PRRC2B: variants seen among roughly 807,000 people sequenced by gnomAD.
PRRC2B encodes protein PRRC2B.
In PRRC2B, 68 loss-of-function variants were observed where a neutral mutation model predicts 242.3. The observed-to-expected ratio is 0.28, with a 90% CI of 0.23 to 0.34. The LOEUF (loss-of-function observed/expected upper bound fraction) is 0.34, where lower values mean the gene tolerates loss of function less well. Ranked by LOEUF, PRRC2B falls within the 10% of genes least tolerant of loss-of-function variation. The probability of loss-of-function intolerance (pLI) is 1.00; values close to 1 mark genes in which losing one functional copy is unlikely to be tolerated. For missense variants in PRRC2B, 2,835 were observed against 2,954.8 expected, an observed-to-expected ratio of 0.96 and a Z score of 0.94; for synonymous variants, 1,228 against 1,173.6, an observed-to-expected ratio of 1.05 and a Z score of -0.95.
chr9:131,485,810 G>A, intron 25 of PRRC2B: 1 of 705,160 alleles, frequency 1.4e-6, no homozygotes, highest in Non-Finnish European at 2.6e-6. Context: ...GTTGGTGAGT[G>A]GGAGGTGGGA....
At chr9:131,463,859 C>T (rs1346334808) in intron 11 of PRRC2B, among the ~76,000 whole-genome samples, 1 of 151,736 alleles carries the variant, frequency 6.6e-6, no homozygotes, top group African/African-American at 2.4e-5. Flanking sequence ...TCTCGAGCTC[C>T]TAGGCTCATG....
intron 1 of PRRC2B, among the ~76,000 whole-genome samples, chr9:131,388,204 A>G (rs987457728): frequency 4.2e-5 from 6 of 144,026 alleles, no homozygotes; most frequent in Non-Finnish European, 1.5e-5. Flanking sequence ...AAAAAAAATC[A>G]TTATTAAAAT....
intron 1 of PRRC2B, among the ~76,000 whole-genome samples, chr9:131,408,866 T>C (rs989390032): frequency 2.0e-5 from 3 of 151,950 alleles, no homozygotes; most frequent in African/African-American, 7.3e-5. Flanking sequence ...ATTACAGGCA[T>C]GTGCCACCAC....
intron 1 of PRRC2B, among the ~76,000 whole-genome samples, chr9:131,416,545 A>T (rs1350894911): frequency 1.3e-5 from 2 of 152,168 alleles, no homozygotes; most frequent in Admixed American, 1.3e-4. Flanking sequence ...TGTCACAACT[A>T]ATGAACCAGT....
At chr9:131,492,384 T>C in intron 30 of PRRC2B, 124 bp downstream of exon 30, 1 of 690,376 alleles carries the variant, frequency 1.4e-6, no homozygotes, top group Admixed American at 2.3e-5. Context: ...CTATGGGCCA[T>C]GTGTCACTGT....
At chr9:131,457,581 C>G (rs1943117626) in intron 10 of PRRC2B, among the ~76,000 whole-genome samples, 1 of 152,158 alleles carries the variant, frequency 6.6e-6, no homozygotes, top group Admixed American at 6.6e-5. Flanking sequence ...TTTCCTCATA[C>G]ACAATTGGCT....
At chr9:131,481,585 AGGGGGCTGGGGTG>A in intron 19 of PRRC2B, 128 bp from the exon 20 acceptor site, 1 of 659,942 alleles carries the variant, frequency 1.5e-6, no homozygotes, top group Non-Finnish European at 2.7e-6. Context: ...TGTCACGGGT[AGGGGGCTGGGGTG>A]GCGGGTGCAG....
chr9:131,489,122 C>A (rs546248915), intron 28 of PRRC2B, among the ~76,000 whole-genome samples: 2 of 152,030 alleles, frequency 1.3e-5, no homozygotes, highest in Non-Finnish European at 2.9e-5. Context: ...TCTCAGTGTC[C>A]CTCTCAGTTG....
At chr9:131,400,843 T>C (rs1180754957) in intron 1 of PRRC2B, among the ~76,000 whole-genome samples, 1 of 152,158 alleles carries the variant, frequency 6.6e-6, no homozygotes, top group East Asian at 1.9e-4. Context: ...TTAAACAGTT[T>C]TTGTTTCTAG....
In PRRC2B at chr9:131,495,792, A is replaced by C; in HGVS notation, c.6608A>C (p.Glu2203Ala). ...KPSLGAVKLQEAPSAASQMKR... is the reference protein window; with the variant it reads ...KPSLGAVKLQAAPSAASQMKR... ...AGCCTGGGAGCCGTGAAGCTGCAGGAGGCCCCCTCGGCTGCCTCCCAGATG... is the reference window on the plus strand; with the variant it reads ...AGCCTGGGAGCCGTGAAGCTGCAGGCGGCCCCCTCGGCTGCCTCCCAGATG... The change falls in exon 32 of 32, where the codon GAG becomes GCG. Residue 2203 changes from glutamate (E) to alanine (A), a missense_variant. Physicochemically the swap from Glu to Ala is moderately radical, Grantham distance 107 (BLOSUM62 -1). This residue lies in a region of PRRC2B where 574 missense variants were observed against 626.0 expected (regional missense o/e 0.92). Coordinates refer to ENST00000683519, the MANE Select transcript of PRRC2B (RefSeq NM_013318.4). 6.2e-7 allele frequency: 1 copy of C among 1,612,954 alleles called. No individual in the cohort carries two copies. The highest frequency in any genetic ancestry group is 8.5e-7 in the Non-Finnish European group (1 of 1,179,038).
At chr9:131,411,296 A>AT (rs1245038770) in intron 1 of PRRC2B, among the ~76,000 whole-genome samples, 8 of 150,018 alleles carry the variant, frequency 5.3e-5, no homozygotes, top group Admixed American at 3.3e-4. Flanking sequence ...TCTGTTTTTC[A>AT]TTTGTGCTAT....
chr9:131,490,650 A>G (rs543740514), intron 28 of PRRC2B: 2 of 516,040 alleles, frequency 3.9e-6, no homozygotes, highest in Admixed American at 1.9e-5. Flanking sequence ...CACCTCGCAT[A>G]TCTTGTTCTA....
chr9:131,424,185 G>T (rs751128439), intron 1 of PRRC2B, among the ~76,000 whole-genome samples: 2 of 152,120 alleles, frequency 1.3e-5, no homozygotes, highest in Non-Finnish European at 2.9e-5. Flanking sequence ...CAAGTGATCC[G>T]CCTGCTTCAG....
At chr9:131,399,207 G>T (rs1379288326) in intron 1 of PRRC2B, among the ~76,000 whole-genome samples, 2 of 150,208 alleles carry the variant, frequency 1.3e-5, no homozygotes, top group African/African-American at 4.9e-5. Flanking sequence ...AACCTGGGAG[G>T]TGGAGGTTGC....
intron 1 of PRRC2B, among the ~76,000 whole-genome samples, chr9:131,396,171 C>T (rs1348211182): frequency 6.6e-6 from 1 of 152,022 alleles, no homozygotes; most frequent in Non-Finnish European, 1.5e-5. Flanking sequence ...GAATTGTTTT[C>T]TCTCCATAGG....
chr9:131,489,846 G>GC (rs1346029314), intron 28 of PRRC2B, among the ~76,000 whole-genome samples: 1 of 147,898 alleles, frequency 6.8e-6, no homozygotes, highest in Non-Finnish European at 1.5e-5. Context: ...CCGTAATCCC[G>GC]CCCCCCACAC....
At chr9:131,436,755 T>C (rs544730515) in intron 4 of PRRC2B, 33 bp downstream of exon 4, 2 of 1,550,924 alleles carry the variant, frequency 1.3e-6, no homozygotes, top group Admixed American at 1.7e-5. Context: ...AACTGTTTCC[T>C]GGGCATGGTA....
At chr9:131,375,817 TGTTCAAGACCAGCCTGAGGTCAGGA>T (rs1289673283) in intron 1 of PRRC2B, among the ~76,000 whole-genome samples, 13 of 151,736 alleles carry the variant, frequency 8.6e-5, no homozygotes, top group Middle Eastern at 6.8e-3. Flanking sequence ...TCACCTGAGG[TGTTCAAGACCAGCCTGAGGTCAGGA>T]GTTCAAGACC....
At chr9:131,459,404 G>C (rs2131412524) in intron 11 of PRRC2B, 48 bp downstream of exon 11, 1 of 1,499,586 alleles carries the variant, frequency 6.7e-7, no homozygotes, top group Non-Finnish European at 9.1e-7. Context: ...TCATTGAGTT[G>C]GGTGGCTGGG....
Sources: allele counts gnomAD v4.1 joint callset (sites outside exome capture counted in the v4.1 genomes callset), GRCh38; gene constraint gnomAD v4.1.1; regional missense constraint gnomAD v4.1.1; transcripts MANE v1.5; gene names NCBI Gene and HGNC (gene_info 2026-07-23, HGNC 2026-07-21).